Variants in SPAG1 observed in about 807,000 individuals in gnomAD.
SPAG1 encodes sperm associated antigen 1, also known as sperm-associated antigen 1.
A neutral mutation model predicts 100.5 loss-of-function variants in SPAG1; 69 were observed. That is an observed-to-expected ratio of 0.69 (90% CI 0.57 to 0.84). The LOEUF (loss-of-function observed/expected upper bound fraction) is 0.84. Ranked by LOEUF, SPAG1 falls within the 40% of genes least tolerant of loss-of-function variation. SPAG1 has a pLI of 0.00. For missense variants in SPAG1, 955 were observed against 1,133.1 expected (o/e 0.84, Z 2.26); for synonymous variants, 336 against 411.6 (o/e 0.82, Z 2.22).
At chr8:100,229,497 T>A (rs188659472) in intron 14 of SPAG1, among the ~76,000 whole-genome samples, 456 of 152,378 alleles carry the variant, frequency 3.0e-3, no homozygotes, top group African/African-American at 9.7e-3. Context: ...CCAGGCTTTT[T>A]AATCTGTTAT....
At position 100,220,439 on chromosome 8, in the gene SPAG1, A is replaced by C; in HGVS notation, c.1688+8A>C. The C allele has an allele frequency of 6.2e-7, 1 of 1,602,980 alleles. No homozygotes were observed. Among genetic ancestry groups the C allele is most frequent in the Non-Finnish European group, 8.5e-7 (1 of 1,176,332 alleles). On this transcript the variant is annotated splice_region_variant and intron_variant, in intron 13 of 18. Transcript: ENST00000388798. ...AAATGACAGTGTTAACAGGTAATTA[A>C]TCTGAGGCAGCTACCTAAAATCTAG... is the stretch of plus-strand genomic sequence containing the variant.
At position 100,165,814 on chromosome 8, in the gene SPAG1, A is replaced by T. The variant is rs529265811; in HGVS notation, c.141A>T (p.Arg47Ser). The change falls in exon 3 of 19, where the codon AGA (arginine) becomes AGT (serine). Residue 47 changes from arginine to serine, a missense_variant and splice_region_variant. Coordinates refer to ENST00000388798, the MANE Select transcript of SPAG1 (RefSeq NM_003114.5). ...TAAAACTTATTTATTTCTTTTTAAGATCTGGTGAGGAAGGATATTATCCTG... is the reference window on the plus strand; with the variant it reads ...TAAAACTTATTTATTTCTTTTTAAGTTCTGGTGAGGAAGGATATTATCCTG... ...KHLEKILCVL[R>S]SGEEGYYPEL... The T allele has an allele frequency of 5.6e-6, 9 of 1,607,392 alleles. No individual in the cohort carries two copies. In the East Asian group the frequency reaches 2.0e-4, roughly 36 times the overall value.
chr8:100,221,908 G>A (rs950983777), intron 13 of SPAG1, among the ~76,000 whole-genome samples: 3 of 152,238 alleles, frequency 2.0e-5, no homozygotes, highest in African/African-American at 4.8e-5. Flanking sequence ...AGTGACAACC[G>A]TTCTCTTGGT....
chr8:100,191,500 A>C lies in SPAG1; in HGVS notation c.939+4A>C, dbSNP rs1335243028. The C allele has an allele frequency of 6.3e-7, 1 of 1,583,688 alleles. No homozygotes were observed. The highest frequency in any genetic ancestry group is 2.2e-5 in the East Asian group (1 of 44,688). Reference sequence around the variant, plus strand: ...GCCTGATAATGATTTGGCCAAGGTAAGTATAGAATGTGATTTCTCACCTAA... The same window carrying C: ...GCCTGATAATGATTTGGCCAAGGTACGTATAGAATGTGATTTCTCACCTAA... On this transcript the variant is annotated splice_donor_region_variant and intron_variant, in intron 9 of 18. Transcript: ENST00000388798.
chr8:100,199,754 C>T (rs1410368163), intron 10 of SPAG1, among the ~76,000 whole-genome samples: 1 of 151,936 alleles, frequency 6.6e-6, no homozygotes, highest in Non-Finnish European at 1.5e-5. Flanking sequence ...GCCTCTTTGC[C>T]CATTTTTAAT....
At chr8:100,185,702 C>T (rs1052246521) in intron 7 of SPAG1, among the ~76,000 whole-genome samples, 2 of 152,152 alleles carry the variant, frequency 1.3e-5, no homozygotes, top group Non-Finnish European at 2.9e-5. Context: ...ACTAATGCTA[C>T]CTTAGCACTA....
At chr8:100,163,690 T>G (rs1274783902) in intron 2 of SPAG1, among the ~76,000 whole-genome samples, 3 of 152,204 alleles carry the variant, frequency 2.0e-5, no homozygotes, top group Non-Finnish European at 2.9e-5. Context: ...TTTCATCACC[T>G]TTAGCTTCCT....
At position 100,183,301 on chromosome 8, in the gene SPAG1, T is replaced by C. The variant is rs967768108; in HGVS notation, c.427-74T>C. 24 of 723,556 alleles carry C rather than the reference T, an allele frequency of 3.3e-5. 1 individual carries two copies. Among genetic ancestry groups the C allele is most frequent in the Admixed American group, 2.1e-4 (9 of 41,912 alleles). 44.8% of individuals were successfully genotyped at this position (723,556 alleles called of 1,614,324 possible). On this transcript the variant is annotated intron_variant, in intron 4 of 18. Coordinates refer to ENST00000388798, the MANE Select transcript of SPAG1 (RefSeq NM_003114.5). The stretch of plus-strand genomic sequence containing the variant: ...ATTTGTATATCTTAACCCAATACTT[T>C]CCATTGCATTTACAGTAAAACCTGA...
At chr8:100,164,448 G>A (rs1252824887) in intron 2 of SPAG1, among the ~76,000 whole-genome samples, 2 of 151,976 alleles carry the variant, frequency 1.3e-5, no homozygotes, top group East Asian at 3.9e-4. Flanking sequence ...TTTTTGAGAT[G>A]CAGTCTCACT....
At chr8:100,184,160 G>A (rs192661069) in intron 6 of SPAG1, 98 bp downstream of exon 6, 52 of 496,780 alleles carry the variant, frequency 1.0e-4, no homozygotes, top group Admixed American at 8.4e-4. Context: ...GTACTGCACA[G>A]ATTACCATGA....
At chr8:100,165,623 T>C (rs1309371449) in intron 2 of SPAG1, 191 bp from the exon 3 acceptor site, 2 of 528,858 alleles carry the variant, frequency 3.8e-6, no homozygotes, top group African/African-American at 1.9e-5. Flanking sequence ...AGTTCCTTTT[T>C]TTCTTCTTTT....
intron 2 of SPAG1, among the ~76,000 whole-genome samples, chr8:100,163,337 T>C (rs1267651367): frequency 6.6e-6 from 1 of 152,220 alleles, no homozygotes; most frequent in East Asian, 1.9e-4. Context: ...AGGAACCCAC[T>C]TGAAGAAACA....
chr8:100,170,843 TTA>T (rs1179598628), intron 3 of SPAG1, among the ~76,000 whole-genome samples: 7 of 142,738 alleles, frequency 4.9e-5, no homozygotes, highest in African/African-American at 2.1e-4. Context: ...ATTTATTTAT[TTA>T]TTTATTTTTT....
intron 10 of SPAG1, among the ~76,000 whole-genome samples, chr8:100,204,175 A>T (rs1472930897): frequency 1.3e-5 from 2 of 152,122 alleles, no homozygotes; most frequent in Non-Finnish European, 2.9e-5. Flanking sequence ...CTCCCGAGAC[A>T]GTTGCCAGGC....
rs576449395 is a variant in SPAG1, at chr8:100,195,249, G to C, written c.1096+981G>C. Reference sequence around the variant, plus strand: ...AACTGGCAGTGGCGGGGCAGTGGAGGGGGGAGATATTATCAATTTTGAAAA... The same window carrying C: ...AACTGGCAGTGGCGGGGCAGTGGAGCGGGGAGATATTATCAATTTTGAAAA... On this transcript the variant is annotated intron_variant, in intron 10 of 18. Transcript: ENST00000388798. Among the ~76,000 whole-genome samples the C allele has an allele frequency of 8.5e-5, 13 of 152,136 alleles. No individual in the cohort carries two copies. The South Asian group carries it at 2.1e-3, about 24-fold the overall frequency.
rs1270324478 is a variant in SPAG1, at chr8:100,183,365, A to T, written c.427-10A>T. ...AATATGTCTCATAAAATATGATTTT[A>T]TTCTTTTAGGAAAAATATTCTAAAA... On this transcript the variant is annotated splice_polypyrimidine_tract_variant and intron_variant, in intron 4 of 18. Transcript: ENST00000388798. 8.4e-7 allele frequency: 1 copy of T among 1,188,556 alleles called. No homozygotes were observed. 73.6% of individuals were successfully genotyped at this position (1,188,556 alleles called of 1,614,324 possible). A position where few individuals can be genotyped will look rare whatever the true frequency, so the allele number is the denominator to read the frequency against.
At chr8:100,172,627 G>T (rs1815914361) in intron 3 of SPAG1, among the ~76,000 whole-genome samples, 2 of 119,860 alleles carry the variant, frequency 1.7e-5, no homozygotes, top group South Asian at 5.9e-4. Context: ...CTAAAAAAAA[G>T]AAATATATGT....
In SPAG1 at chr8:100,171,935, C is replaced by G. The variant is rs115079351; in HGVS notation, c.301-5881C>G. Among the ~76,000 whole-genome samples, 1,429 of 152,020 alleles carry G rather than the reference C, an allele frequency of 9.4e-3. 27 individuals are homozygous for G. Among genetic ancestry groups the G allele is most frequent in the African/African-American group, 0.033 (1,376 of 41,456 alleles). On this transcript the variant is annotated intron_variant, in intron 3 of 18. Transcript: ENST00000388798. ...TCTGAGACGGAGTCTCGCTCTATCG[C>G]CCGGGCTAGAGCGCAGTAGCACAAT...
At chr8:100,206,017 CAAAAAAAAAAAAAAAAAAAAAAAAAAAAA>C (rs574907013) in intron 10 of SPAG1, among the ~76,000 whole-genome samples, 1 of 77,350 alleles carries the variant, frequency 1.3e-5, no homozygotes, top group East Asian at 3.1e-4. Context: ...GACTCTGTCT[CAAAAAAAAAAAAAAAAAAAAAAAAAAAAA>C]AAAAAAAAAG....
Sources: allele counts gnomAD v4.1 joint callset (sites outside exome capture counted in the v4.1 genomes callset), GRCh38; gene constraint gnomAD v4.1.1; transcripts MANE v1.5; gene names NCBI Gene and HGNC (gene_info 2026-07-23, HGNC 2026-07-21).